The following ZCCHC17 variants were observed in gnomAD, a reference collection of about 807,000 sequenced individuals.
The protein encoded by ZCCHC17 is zinc finger CCHC domain-containing protein 17.
In ZCCHC17, 18 loss-of-function variants were observed where a neutral mutation model predicts 30.6. The ratio of observed to expected loss-of-function variants is 0.59; its 90% CI spans 0.41 to 0.87. The LOEUF is 0.87. ZCCHC17 is among the 40% of genes least tolerant of loss of function. The pLI is 0.00. For missense variants in ZCCHC17, 263 were observed against 284.2 expected (o/e 0.93, Z 0.54); for synonymous variants, 88 against 92.4 (o/e 0.95, Z 0.27).
chr1:31,322,059 AATAC>A (rs376854578), intron 3 of ZCCHC17, among the ~76,000 whole-genome samples: 170 of 152,338 alleles, frequency 1.1e-3, no homozygotes, highest in African/African-American at 3.8e-3. Flanking sequence ...CGTGGAACTA[AATAC>A]ATACACATAC....
At chr1:31,327,815 G>A (rs1289415273) in intron 3 of ZCCHC17, among the ~76,000 whole-genome samples, 2 of 152,090 alleles carry the variant, frequency 1.3e-5, no homozygotes, top group African/African-American at 4.8e-5. Context: ...ACTTAATAAG[G>A]GAAAAACAGG....
chr1:31,303,864 T>C (rs963305740), intron 1 of ZCCHC17, among the ~76,000 whole-genome samples: 13 of 152,246 alleles, frequency 8.5e-5, no homozygotes, highest in African/African-American at 3.1e-4. Flanking sequence ...GCCCCACCTC[T>C]TGATGCTCGA....
chr1:31,308,988 A>G (rs1195415615), intron 1 of ZCCHC17, among the ~76,000 whole-genome samples: 1 of 152,246 alleles, frequency 6.6e-6, no homozygotes. Context: ...ATATAAAAAA[A>G]CTGTAAGAAT....
At chr1:31,353,549 C>T (rs34400805) in intron 7 of ZCCHC17, among the ~76,000 whole-genome samples, 31,813 of 151,984 alleles carry the variant, frequency 0.21, 3,678 homozygotes, top group African/African-American at 0.3. Flanking sequence ...ATGTCATACT[C>T]AAGAAATCAT....
intron 3 of ZCCHC17, among the ~76,000 whole-genome samples, chr1:31,327,318 T>G (rs1320686645): frequency 1.3e-5 from 2 of 152,214 alleles, no homozygotes; most frequent in African/African-American, 4.8e-5. Flanking sequence ...GGGCCACTTG[T>G]ACTTCTGACC....
intron 5 of ZCCHC17, among the ~76,000 whole-genome samples, chr1:31,341,866 T>C (rs1159930351): frequency 2.0e-5 from 3 of 152,222 alleles, no homozygotes; most frequent in Admixed American, 6.5e-5. Flanking sequence ...CTTGTAGTTA[T>C]TGTTTTAAAT....
intron 3 of ZCCHC17, among the ~76,000 whole-genome samples, chr1:31,331,900 A>G (rs970558735): frequency 6.6e-6 from 1 of 152,146 alleles, no homozygotes; most frequent in Non-Finnish European, 1.5e-5. Flanking sequence ...GTAAGCCACC[A>G]TGCCCGGCCG....
intron 3 of ZCCHC17, among the ~76,000 whole-genome samples, chr1:31,326,270 T>A (rs1156603681): frequency 1.3e-5 from 2 of 152,090 alleles, no homozygotes; most frequent in African/African-American, 4.8e-5. Flanking sequence ...CTTCTGGAAA[T>A]TTTTTTTAAG....
chr1:31,297,389 C>T (rs916524517), intron 1 of ZCCHC17, among the ~76,000 whole-genome samples: 4 of 152,262 alleles, frequency 2.6e-5, no homozygotes, highest in African/African-American at 7.2e-5. Context: ...CCCATTTGGC[C>T]GAGGAGGCTG....
chr1:31,352,767 A>G (rs1335135028), intron 7 of ZCCHC17, among the ~76,000 whole-genome samples: 2 of 151,970 alleles, frequency 1.3e-5, no homozygotes, highest in Admixed American at 1.3e-4. Context: ...TATATACCAC[A>G]TTTTGCTTAT....
intron 2 of ZCCHC17, among the ~76,000 whole-genome samples, chr1:31,314,204 G>A (rs1189015799): frequency 4.6e-5 from 7 of 152,070 alleles, no homozygotes; most frequent in African/African-American, 1.7e-4. Flanking sequence ...TTGAATTAGT[G>A]CAGGTTTTAT....
At chr1:31,344,036 GTA>G (rs1211606264) in intron 5 of ZCCHC17, among the ~76,000 whole-genome samples, 32 of 151,634 alleles carry the variant, frequency 2.1e-4, no homozygotes, top group Non-Finnish European at 4.3e-4. Context: ...TGTTTTTTTA[GTA>G]GAGACGGGGT....
intron 1 of ZCCHC17, among the ~76,000 whole-genome samples, chr1:31,300,939 A>T (rs1290729703): frequency 6.6e-6 from 1 of 151,924 alleles, no homozygotes; most frequent in Non-Finnish European, 1.5e-5. Flanking sequence ...GTCTCAAAAA[A>T]AAAAAAAGAA....
chr1:31,305,302 CAG>C (rs976651496), intron 1 of ZCCHC17, among the ~76,000 whole-genome samples: 24 of 151,216 alleles, frequency 1.6e-4, no homozygotes, highest in African/African-American at 5.3e-4. Flanking sequence ...TTTTTTGAGA[CAG>C]GGTTTCATTT....
At chr1:31,345,141 C>T (rs926810394) in intron 5 of ZCCHC17, among the ~76,000 whole-genome samples, 1 of 128,178 alleles carries the variant, frequency 7.8e-6, no homozygotes, top group African/African-American at 2.5e-5. Context: ...GAGATGCTGG[C>T]AATGTTCTGT....
chr1:31,317,772 C>G (rs1646772327), intron 2 of ZCCHC17, among the ~76,000 whole-genome samples: 1 of 152,174 alleles, frequency 6.6e-6, no homozygotes, highest in Non-Finnish European at 1.5e-5. Context: ...CCAGATACAC[C>G]TATACTATTC....
chr1:31,346,391 T>A (rs1403999674), intron 5 of ZCCHC17, among the ~76,000 whole-genome samples: 1 of 152,180 alleles, frequency 6.6e-6, no homozygotes, highest in Non-Finnish European at 1.5e-5. Context: ...GTAGGGTGTT[T>A]AGCATGTTGA....
chr1:31,340,593 A>G (rs1639013367), intron 5 of ZCCHC17, among the ~76,000 whole-genome samples: 1 of 152,162 alleles, frequency 6.6e-6, no homozygotes, highest in African/African-American at 2.4e-5. Context: ...CTGGGATTAC[A>G]GGCGCGAGCC....
chr1:31,299,532 T>C (rs1282829348), intron 1 of ZCCHC17, among the ~76,000 whole-genome samples: 1 of 152,162 alleles, frequency 6.6e-6, no homozygotes, highest in Admixed American at 6.5e-5. Flanking sequence ...CTGAGTTAAA[T>C]GTGGAAAGAA....
Sources: gnomAD v4.1 joint callset for allele counts (sites outside exome capture counted in the v4.1 genomes callset) on GRCh38, gnomAD v4.1.1 for gene constraint, MANE v1.5 for transcripts, NCBI Gene and HGNC (gene_info 2026-07-23, HGNC 2026-07-21) for gene names.